The following RALGAPB variants were observed in gnomAD, a reference collection of about 807,000 sequenced individuals.
RALGAPB encodes the protein Ral GTPase activating protein non-catalytic subunit beta, also known as ral GTPase-activating protein subunit beta.
RALGAPB carries 25 observed loss-of-function variants against 161.1 expected under a neutral mutation model. The observed-to-expected ratio is 0.16, with a 90% CI of 0.11 to 0.22. The LOEUF (loss-of-function observed/expected upper bound fraction) is 0.22, where lower values mean the gene tolerates loss of function less well. RALGAPB is among the 10% of genes least tolerant of loss of function. The probability of loss-of-function intolerance (pLI) is 1.00; values close to 1 mark genes in which losing one functional copy is unlikely to be tolerated. For synonymous variants in RALGAPB, 629 were observed against 626.1 expected (o/e 1.00, Z -0.07); for missense variants, 1,391 against 1,815.2 (o/e 0.77, Z 4.25).
At chr20:38,497,773 A>G (rs1464182630) in intron 4 of RALGAPB, among the ~76,000 whole-genome samples, 1 of 152,150 alleles carries the variant, frequency 6.6e-6, no homozygotes, top group Admixed American at 6.5e-5. Flanking sequence ...TGATGGGAGC[A>G]GTAGCTTGTT....
chr20:38,544,338 T>C (rs2087080296), intron 18 of RALGAPB, among the ~76,000 whole-genome samples: 1 of 152,140 alleles, frequency 6.6e-6, no homozygotes, highest in South Asian at 2.1e-4. Flanking sequence ...ATTTCTGCTG[T>C]TACCTTCAGT....
chr20:38,494,999 G>A (rs2085381574), intron 3 of RALGAPB, among the ~76,000 whole-genome samples: 1 of 152,208 alleles, frequency 6.6e-6, no homozygotes, highest in South Asian at 2.1e-4. Flanking sequence ...GTGTGCATAA[G>A]TGTTAGTAAA....
Position 38,525,393 on chromosome 20 carries a change from T to C in RALGAPB, c.1788-11T>C. On this transcript the variant is annotated splice_polypyrimidine_tract_variant and intron_variant, in intron 11 of 29. Coordinates refer to ENST00000262879, the MANE Select transcript of RALGAPB (RefSeq NM_020336.4). Reference sequence around the variant, plus strand: ...GTTCAAAAATACTAATAGCTTTTTATTTTTTGGCAGAGAACTCTCAAAATT... The same window carrying C: ...GTTCAAAAATACTAATAGCTTTTTACTTTTTGGCAGAGAACTCTCAAAATT... 1 of 1,553,716 alleles carries C rather than the reference T, an allele frequency of 6.4e-7. No individual in the cohort carries two copies. Among genetic ancestry groups the C allele is most frequent in the East Asian group, 2.3e-5 (1 of 44,414 alleles).
chr20:38,510,131 TACACACACACACAC>T lies in RALGAPB; in HGVS notation c.872+945_872+958del, dbSNP rs34759480. Among the ~76,000 whole-genome samples, 726 of 146,276 alleles carry T rather than the reference TACACACACACACAC, an allele frequency of 5.0e-3. 4 individuals are homozygous for T. The highest frequency in any genetic ancestry group is 0.017 in the African/African-American group (678 of 40,308). ...ATGTATATAAACACACACACGCACA[TACACACACACACAC>T]ACACACACACACACACACACAGACA... is the stretch of plus-strand genomic sequence containing the variant. On this transcript the variant is annotated intron_variant, in intron 6 of 29. Coordinates refer to ENST00000262879, the MANE Select transcript of RALGAPB (RefSeq NM_020336.4).
intron 7 of RALGAPB, among the ~76,000 whole-genome samples, chr20:38,516,935 A>G (rs1323746267): frequency 2.0e-5 from 3 of 152,216 alleles, no homozygotes; most frequent in African/African-American, 4.8e-5. Flanking sequence ...ATACTTATTA[A>G]TGTACAGTTA....
chr20:38,507,704 T>C (rs2085805402), intron 5 of RALGAPB, among the ~76,000 whole-genome samples: 1 of 151,858 alleles, frequency 6.6e-6, no homozygotes, highest in Admixed American at 6.6e-5. Flanking sequence ...TTTTTGTTTT[T>C]CTTTTTTTTT....
chr20:38,567,542 G>A (rs560987377), intron 26 of RALGAPB, among the ~76,000 whole-genome samples: 51 of 152,234 alleles, frequency 3.4e-4, no homozygotes, highest in African/African-American at 1.2e-3. Flanking sequence ...AGTTACTGCA[G>A]TAACTACATG....
At chr20:38,513,392 T>A (rs1383797539) in intron 6 of RALGAPB, among the ~76,000 whole-genome samples, 1 of 149,664 alleles carries the variant, frequency 6.7e-6, no homozygotes, top group African/African-American at 2.5e-5. Flanking sequence ...TAATCCCAGC[T>A]ACTTGGGAGG....
chr20:38,572,422 A>G (rs1293446757), intron 28 of RALGAPB, among the ~76,000 whole-genome samples: 2 of 152,230 alleles, frequency 1.3e-5, no homozygotes, highest in Non-Finnish European at 2.9e-5. Flanking sequence ...ATTCCTTAGT[A>G]TCACACATCC....
rs1445953572 is a variant in RALGAPB at position 38,488,517 on chromosome 20, G to A, written c.85G>A (p.Val29Ile). ...TSVLHSYPES[V>I]GREVANAVVR... is the part of the protein sequence containing the mutation. ...TGTGCTGCACAGCTATCCAGAGAGC[G>A]TTGGACGAGAGGTGGCAAATGCTGT... Residue 29 changes from valine (V) to isoleucine (I), a missense_variant, in exon 2 of 30, where the codon GTT (valine) becomes ATT (isoleucine). Physicochemically the swap from Val to Ile is conservative, Grantham distance 29 (BLOSUM62 3). Transcript: ENST00000262879. The A allele has an allele frequency of 8.7e-6, 14 of 1,614,064 alleles. No homozygotes were observed. The highest frequency in any genetic ancestry group is 1.6e-4 in the Middle Eastern group (1 of 6,084).
At chr20:38,573,831 C>T (rs1462638391) in intron 28 of RALGAPB, 1 of 172,482 alleles carries the variant, frequency 5.8e-6, no homozygotes, top group African/African-American at 2.4e-5. Flanking sequence ...TAACTCCATG[C>T]AGCAGAGTAC....
chr20:38,541,305 A>G lies in RALGAPB; in HGVS notation c.2714+113A>G, dbSNP rs943469798. The G allele has an allele frequency of 2.9e-6, 3 of 1,048,230 alleles. No homozygotes were observed. In the South Asian group the frequency reaches 9.8e-5, roughly 34 times the overall value. 64.9% of individuals were successfully genotyped at this position (1,048,230 alleles called of 1,614,324 possible). On this transcript the variant is annotated intron_variant, in intron 18 of 29. Transcript: ENST00000262879. ...CAGCATTGCGTGATGCAGCCCCTTTAGAATATACTTTTTCTCCAGAAATAA... is the reference window on the plus strand; with the variant it reads ...CAGCATTGCGTGATGCAGCCCCTTTGGAATATACTTTTTCTCCAGAAATAA...
At chr20:38,524,667 G>T (rs2086404255) in intron 10 of RALGAPB, 111 bp from the exon 11 acceptor site, 2 of 792,500 alleles carry the variant, frequency 2.5e-6, no homozygotes, top group Non-Finnish European at 4.0e-6. Context: ...TTCTTTAAAG[G>T]GTAAAAATAG....
chr20:38,499,464 C>G lies in RALGAPB; in HGVS notation c.571C>G (p.Leu191Val), dbSNP rs749284020. ...PTVQGGIAEN[L>V]AEKLIGVLFE... ...TTGGTAAGGTGGCATTGCTGAGAATCTAGCAGAGAAGTTGATTGGTGTTCT... is the reference window on the plus strand; with the variant it reads ...TTGGTAAGGTGGCATTGCTGAGAATGTAGCAGAGAAGTTGATTGGTGTTCT... Residue 191 changes from leucine to valine, a missense_variant, in exon 5 of 30, where the codon CTA (leucine) becomes GTA (valine). Transcript: ENST00000262879. The G allele has an allele frequency of 6.2e-7, 1 of 1,607,446 alleles. No individual in the cohort carries two copies. Among genetic ancestry groups the G allele is most frequent in the African/African-American group, 1.3e-5 (1 of 74,542 alleles).
intron 10 of RALGAPB, among the ~76,000 whole-genome samples, chr20:38,524,246 G>A (rs547841684): frequency 8.5e-5 from 13 of 152,316 alleles, no homozygotes; most frequent in Admixed American, 7.2e-4. Context: ...TCGAATGCAG[G>A]TTTCTTTCTT....
At chr20:38,482,522 G>A (rs761009013) in intron 1 of RALGAPB, among the ~76,000 whole-genome samples, 7 of 144,918 alleles carry the variant, frequency 4.8e-5, no homozygotes, top group Non-Finnish European at 7.5e-5. Flanking sequence ...CACCCTCCCA[G>A]GTTCAAGAGA....
intron 23 of RALGAPB, among the ~76,000 whole-genome samples, chr20:38,561,631 A>G (rs1199087662): frequency 6.6e-6 from 1 of 152,208 alleles, no homozygotes. Context: ...TGATTTTGAT[A>G]TACTCTGCTC....
At chr20:38,485,469 C>T (rs2085086560) in intron 1 of RALGAPB, among the ~76,000 whole-genome samples, 2 of 151,916 alleles carry the variant, frequency 1.3e-5, no homozygotes, top group Admixed American at 1.3e-4. Context: ...CTCTTGTCAC[C>T]CAGGCTGGAG....
rs1015110455 is a variant in RALGAPB, at chr20:38,507,459, A to C, written c.741-1618A>C. 2.7e-5 allele frequency among the ~76,000 whole-genome samples: 4 copies of C among 150,166 alleles called. No homozygotes were observed. In the East Asian group the frequency reaches 7.8e-4, roughly 29 times the overall value. ...ATGATCAGGACTCATAGCAGCCTCA[A>C]CCTCCCCAGGCTCAAACAATCCTCT... On this transcript the variant is annotated intron_variant, in intron 5 of 29. Transcript: ENST00000262879.
Sources: allele counts gnomAD v4.1 joint callset (sites outside exome capture counted in the v4.1 genomes callset), GRCh38; gene constraint gnomAD v4.1.1; transcripts MANE v1.5; gene names NCBI Gene and HGNC (gene_info 2026-07-23, HGNC 2026-07-21).